The following KIAA1217 variants were observed in gnomAD, a reference collection of about 807,000 sequenced individuals.
KIAA1217 encodes the protein sickle tail protein homolog.
In KIAA1217, 88 loss-of-function variants were observed where a neutral mutation model predicts 163.9. The ratio of observed to expected loss-of-function variants is 0.54; its 90% CI spans 0.45 to 0.64. The LOEUF (loss-of-function observed/expected upper bound fraction) is 0.64, where lower values mean the gene tolerates loss of function less well. Ranked by LOEUF, KIAA1217 falls within the 30% of genes least tolerant of loss-of-function variation. KIAA1217 has a pLI of 0.00. For synonymous variants in KIAA1217, 903 were observed against 923.1 expected (o/e 0.98, Z 0.39); for missense variants, 2,372 against 2,475.0 (o/e 0.96, Z 0.88).
At chr10:24,437,848 T>G (rs1381791326) in intron 4 of KIAA1217, among the ~76,000 whole-genome samples, 1 of 149,152 alleles carries the variant, frequency 6.7e-6, no homozygotes, top group Non-Finnish European at 1.5e-5. Flanking sequence ...GTACTGTTTT[T>G]TTTTTTTTTT....
chr10:24,056,632 A>G (rs780777839), intron 2 of KIAA1217, among the ~76,000 whole-genome samples: 11 of 152,192 alleles, frequency 7.2e-5, no homozygotes, highest in South Asian at 2.1e-4. Flanking sequence ...AGCACTTTGT[A>G]TGCAGCCATC....
At chr10:24,007,835 A>AT (rs1160190794) in intron 2 of KIAA1217, among the ~76,000 whole-genome samples, 2 of 152,172 alleles carry the variant, frequency 1.3e-5, no homozygotes, top group African/African-American at 4.8e-5. Flanking sequence ...GGTCAGTCCA[A>AT]TTATATGATC....
At chr10:24,309,384 T>A (rs1277194930) in intron 2 of KIAA1217, among the ~76,000 whole-genome samples, 1 of 150,834 alleles carries the variant, frequency 6.6e-6, no homozygotes, top group Non-Finnish European at 1.5e-5. Context: ...ACACACGGGC[T>A]TCCATGTTCT....
intron 5 of KIAA1217, among the ~76,000 whole-genome samples, chr10:24,468,590 C>T (rs182496464): frequency 6.3e-4 from 96 of 152,252 alleles, no homozygotes; most frequent in African/African-American, 2.1e-3. Context: ...GTGACTCTTT[C>T]GGTGACCCTT....
intron 1 of KIAA1217, among the ~76,000 whole-genome samples, chr10:23,827,987 A>T (rs1374638212): frequency 6.6e-6 from 1 of 152,248 alleles, no homozygotes; most frequent in Non-Finnish European, 1.5e-5. Flanking sequence ...AGTCACAGAG[A>T]CACAGTGAAT....
chr10:24,344,162 T>C (rs1295836800), intron 2 of KIAA1217, among the ~76,000 whole-genome samples: 1 of 152,164 alleles, frequency 6.6e-6, no homozygotes, highest in Non-Finnish European at 1.5e-5. Context: ...TATAATAAGC[T>C]TAACAAGATT....
rs541108302 is a variant in KIAA1217, at chr10:23,780,333, A to C, written c.-321+85099A>C. On this transcript the variant is annotated intron_variant, in intron 1 of 18. Coordinates refer to the KIAA1217 transcript ENST00000376462. The stretch of plus-strand genomic sequence containing the variant: ...TCCAGTATGCATGACAATATTATTA[A>C]CTACAGGCTTCATACTGTACATGAC... 7.4e-3 allele frequency among the ~76,000 whole-genome samples: 1,122 copies of C among 152,264 alleles called. 19 individuals carry two copies. The highest frequency in any genetic ancestry group is 0.025 in the African/African-American group (1,036 of 41,546).
chr10:24,046,943 T>C (rs1182798601), intron 2 of KIAA1217, among the ~76,000 whole-genome samples: 1 of 152,208 alleles, frequency 6.6e-6, no homozygotes, highest in Admixed American at 6.5e-5. Context: ...TTGTGATTGG[T>C]TAGCTAGTTC....
At chr10:24,128,904 C>T (rs534304163) in intron 2 of KIAA1217, among the ~76,000 whole-genome samples, 1 of 152,352 alleles carries the variant, frequency 6.6e-6, no homozygotes, top group Non-Finnish European at 1.5e-5. Flanking sequence ...CTCTCGTAGC[C>T]AAGGCCCTCA....
At chr10:24,211,263 G>C (rs889097556) in intron 1 of KIAA1217, among the ~76,000 whole-genome samples, 1 of 151,786 alleles carries the variant, frequency 6.6e-6, no homozygotes, top group Non-Finnish European at 1.5e-5. Context: ...GAGATTGAGA[G>C]GTAATCCCAG....
At chr10:24,264,988 C>A (rs1057371194) in intron 2 of KIAA1217, among the ~76,000 whole-genome samples, 10 of 152,040 alleles carry the variant, frequency 6.6e-5, no homozygotes, top group African/African-American at 2.4e-4. Flanking sequence ...GTAGCTGGGA[C>A]TACAAGTGTG....
At chr10:23,756,496 T>G (rs1833929769) in intron 1 of KIAA1217, among the ~76,000 whole-genome samples, 1 of 152,194 alleles carries the variant, frequency 6.6e-6, no homozygotes, top group African/African-American at 2.4e-5. Flanking sequence ...ATATTGCACT[T>G]TCTCCATTTC....
chr10:24,328,949 T>C (rs527530634), intron 2 of KIAA1217, among the ~76,000 whole-genome samples: 63 of 151,852 alleles, frequency 4.1e-4, no homozygotes, highest in Non-Finnish European at 7.9e-4. Context: ...TGTTATGATT[T>C]ATACCATATC....
intron 3 of KIAA1217, among the ~76,000 whole-genome samples, chr10:24,397,192 A>G (rs896056415): frequency 2.7e-5 from 4 of 149,798 alleles, no homozygotes; most frequent in Non-Finnish European, 5.9e-5. Flanking sequence ...GCTCACTGCA[A>G]CCTCATACCT....
intron 2 of KIAA1217, among the ~76,000 whole-genome samples, chr10:24,112,877 C>T (rs1053100413): frequency 2.6e-5 from 4 of 152,248 alleles, no homozygotes; most frequent in African/African-American, 9.6e-5. Flanking sequence ...TGAGCCACCA[C>T]GCCTGGCCAT....
chr10:24,031,778 TC>T (rs1848196595), intron 2 of KIAA1217, among the ~76,000 whole-genome samples: 1 of 152,202 alleles, frequency 6.6e-6, no homozygotes, highest in East Asian at 1.9e-4. Flanking sequence ...GGAAAAGGAA[TC>T]TTTAAACACA....
At chr10:24,186,715 A>C (rs1396019726) in intron 2 of KIAA1217, among the ~76,000 whole-genome samples, 2 of 152,024 alleles carry the variant, frequency 1.3e-5, no homozygotes, top group Non-Finnish European at 2.9e-5. Flanking sequence ...ACATGGTGAA[A>C]TCCCTTCTTT....
At chr10:23,918,304 C>T (rs940720932) in intron 1 of KIAA1217, among the ~76,000 whole-genome samples, 6 of 152,038 alleles carry the variant, frequency 3.9e-5, no homozygotes, top group Middle Eastern at 3.4e-3. Flanking sequence ...CCTTATCCCA[C>T]AATTCTTAGA....
intron 3 of KIAA1217, among the ~76,000 whole-genome samples, chr10:24,422,254 A>G (rs1456235120): frequency 6.6e-6 from 1 of 152,202 alleles, no homozygotes; most frequent in Non-Finnish European, 1.5e-5. Context: ...TCAAGATAAG[A>G]TTTGGCTGGG....
Sources: gnomAD v4.1 joint callset for allele counts (sites outside exome capture counted in the v4.1 genomes callset) on GRCh38, gnomAD v4.1.1 for gene constraint, MANE v1.5 for transcripts, NCBI Gene and HGNC (gene_info 2026-07-23, HGNC 2026-07-21) for gene names.